The following SDC4 variants were observed in gnomAD, a reference collection of about 807,000 sequenced individuals.
SDC4 encodes syndecan 4.
SDC4 carries 17 observed loss-of-function variants against 20.5 expected under a neutral mutation model. The observed-to-expected ratio is 0.83, with a 90% CI of 0.57 to 1.25. The LOEUF (loss-of-function observed/expected upper bound fraction) is 1.25. SDC4 is among the 50% of genes most tolerant of loss of function. SDC4 has a pLI of 0.00. For synonymous variants in SDC4, 107 were observed against 105.3 expected (o/e 1.02, Z -0.10); for missense variants, 241 against 252.3 (o/e 0.96, Z 0.30).
intron 3 of SDC4, among the ~76,000 whole-genome samples, chr20:45,330,792 G>A (rs1365087988): frequency 6.6e-6 from 1 of 152,062 alleles, no homozygotes; most frequent in African/African-American, 2.4e-5. Context: ...TGCACCCAAG[G>A]GAACAGGGAA....
At chr20:45,335,058 A>C (rs1987839831) in intron 2 of SDC4, among the ~76,000 whole-genome samples, 1 of 152,220 alleles carries the variant, frequency 6.6e-6, no homozygotes, top group South Asian at 2.1e-4. Flanking sequence ...TCTGGCCTAG[A>C]GGCCTTGGGC....
intron 1 of SDC4, chr20:45,345,657 C>T (rs1452494967): frequency 6.6e-6 from 1 of 152,274 alleles, no homozygotes; most frequent in African/African-American, 2.4e-5. Flanking sequence ...GTGGGGGACA[C>T]TTCCCCACAA....
chr20:45,330,253 A>C (rs2145707885), intron 4 of SDC4, 113 bp downstream of exon 4: 9 of 947,830 alleles, frequency 9.5e-6, no homozygotes, highest in South Asian at 1.4e-5. Flanking sequence ...AATAGGCAAA[A>C]GGAAGGGGCA....
chr20:45,348,378 G>T lies in SDC4; in HGVS notation c.7C>A (p.Pro3Thr). 6.3e-7 allele frequency: 1 copy of T among 1,582,002 alleles called. No homozygotes were observed. The highest frequency in any genetic ancestry group is 8.6e-7 in the Non-Finnish European group (1 of 1,166,176). MA[P>T]ARLFALLLFF... ...AGCAGCAGCGCGAACAGACGGGCGG[G>T]GGCCATGGCACCGCGGACTGGAGAA... Residue 3 changes from proline (P) to threonine (T), a missense_variant, in exon 1 of 5, where the codon CCC (proline) becomes ACC (threonine). Pro to Thr is a conservative substitution (Grantham distance 38). Coordinates refer to ENST00000372733, the MANE Select transcript of SDC4 (RefSeq NM_002999.4).
Position 45,326,609 on chromosome 20 carries a change from C to T in SDC4, c.*655G>A, listed in dbSNP as rs557640957. On this transcript the variant is annotated 3_prime_UTR_variant, in exon 5 of 5. Transcript: ENST00000372733. Reference sequence around the variant, plus strand: ...GAACAGTTAAAAAAACGAACAAACACTAAAAATAGATTTACAAATATTCTA... The same window carrying T: ...GAACAGTTAAAAAAACGAACAAACATTAAAAATAGATTTACAAATATTCTA... 1 of 152,646 alleles carries T rather than the reference C, an allele frequency of 6.6e-6. No homozygotes were observed. Among genetic ancestry groups the T allele is most frequent in the East Asian group, 1.9e-4 (1 of 5,184 alleles). 9.5% of individuals were successfully genotyped at this position (152,646 alleles called of 1,614,324 possible).
intron 1 of SDC4, among the ~76,000 whole-genome samples, chr20:45,343,854 C>T (rs1987991679): frequency 6.6e-6 from 1 of 152,234 alleles, no homozygotes; most frequent in African/African-American, 2.4e-5. Flanking sequence ...GCCCTGTCGT[C>T]TCCTTTAAGC....
intron 1 of SDC4, among the ~76,000 whole-genome samples, chr20:45,347,529 C>G (rs547594976): frequency 1.4e-4 from 21 of 152,298 alleles, no homozygotes; most frequent in South Asian, 1.0e-3. Context: ...TTCTCTCCCC[C>G]CTACCCCCTT....
In SDC4 at chr20:45,341,485, G is replaced by A. The variant is rs538284276; in HGVS notation, c.61-5565C>T. ...GGTAAAGACCATTTTTATTTTCCCC[G>A]AAGGTGCAAATGACAGTGACCAGAA... On this transcript the variant is annotated intron_variant, in intron 1 of 4. Coordinates refer to ENST00000372733, the MANE Select transcript of SDC4 (RefSeq NM_002999.4). Among the ~76,000 whole-genome samples, 20 of 152,234 alleles carry A rather than the reference G, an allele frequency of 1.3e-4. No homozygotes were observed. The East Asian group carries it at 2.9e-3, about 22-fold the overall frequency.
chr20:45,332,146 A>G (rs2145709116), intron 3 of SDC4, among the ~76,000 whole-genome samples: 1 of 142,720 alleles, frequency 7.0e-6, no homozygotes, highest in East Asian at 2.1e-4. Flanking sequence ...AGTTCATAGA[A>G]TTATATATAT....
chr20:45,343,098 G>A (rs990567276), intron 1 of SDC4, among the ~76,000 whole-genome samples: 4 of 152,134 alleles, frequency 2.6e-5, no homozygotes, highest in Admixed American at 1.3e-4. Flanking sequence ...CAGTCACCCA[G>A]CCTTCAGCAG....
Position 45,330,349 on chromosome 20 carries a change from G to A in SDC4, c.445+17C>T, listed in dbSNP as rs776257726. 1.9e-6 allele frequency: 3 copies of A among 1,611,526 alleles called. No homozygotes were observed. Among genetic ancestry groups the A allele is most frequent in the African/African-American group, 2.7e-5 (2 of 74,892 alleles). ...ATTCCACCTTCAAGGCATCTTATAA[G>A]CAGCATGGGGACTTACCTGCCAGGA... is the stretch of plus-strand genomic sequence containing the variant. On this transcript the variant is annotated intron_variant, in intron 4 of 4. Transcript: ENST00000372733.
At chr20:45,348,215 G>C in intron 1 of SDC4, 110 bp downstream of exon 1, 1 of 1,036,714 alleles carries the variant, frequency 9.6e-7, no homozygotes, top group Non-Finnish European at 1.4e-6. Context: ...GTCCGGTTGG[G>C]GGTAGCGTAC....
At chr20:45,330,643 G>T in intron 3 of SDC4, 79 bp from the exon 4 acceptor site, 1 of 1,278,368 alleles carries the variant, frequency 7.8e-7, no homozygotes, top group Non-Finnish European at 1.1e-6. Flanking sequence ...CATTCAGCCA[G>T]GCAGAGAATC....
rs760647418 is a variant in SDC4, at chr20:45,348,393, G to C, written c.-9C>G. 6.4e-7 allele frequency: 1 copy of C among 1,566,016 alleles called. No homozygotes were observed. The highest frequency in any genetic ancestry group is 8.6e-7 in the Non-Finnish European group (1 of 1,158,928). On this transcript the variant is annotated 5_prime_UTR_variant, in exon 1 of 5. Transcript: ENST00000372733. ...AGACGGGCGGGGGCCATGGCACCGC[G>C]GACTGGAGAAGGCGCGCAGGCTGCG...
intron 2 of SDC4, among the ~76,000 whole-genome samples, chr20:45,333,357 T>A (rs6073714): frequency 2.0e-5 from 3 of 152,120 alleles, no homozygotes; most frequent in South Asian, 4.1e-4. Context: ...TAGCAACACC[T>A]GAGAGCTGGT....
At chr20:45,346,987 C>A (rs1431787025) in intron 1 of SDC4, among the ~76,000 whole-genome samples, 1 of 152,184 alleles carries the variant, frequency 6.6e-6, no homozygotes, top group South Asian at 2.1e-4. Flanking sequence ...AGTTACTTAA[C>A]CTCTCTAGCC....
chr20:45,334,292 C>A (rs569393689), intron 2 of SDC4, among the ~76,000 whole-genome samples: 26 of 152,066 alleles, frequency 1.7e-4, no homozygotes, highest in Admixed American at 3.9e-4. Flanking sequence ...CCACCGCGCC[C>A]GGCCAAAATC....
At chr20:45,344,346 G>A (rs1397319560) in intron 1 of SDC4, among the ~76,000 whole-genome samples, 2 of 152,118 alleles carry the variant, frequency 1.3e-5, no homozygotes, top group Admixed American at 6.5e-5. Flanking sequence ...GTAAAACTCT[G>A]AGCTCATTCC....
chr20:45,346,349 G>T (rs971106477), intron 1 of SDC4, among the ~76,000 whole-genome samples: 5 of 152,214 alleles, frequency 3.3e-5, no homozygotes, highest in Non-Finnish European at 7.3e-5. Flanking sequence ...GCTGAGGTCA[G>T]GATGAGACTT....
Sources: gnomAD v4.1 joint callset for allele counts (sites outside exome capture counted in the v4.1 genomes callset) on GRCh38, gnomAD v4.1.1 for gene constraint, MANE v1.5 for transcripts, NCBI Gene and HGNC (gene_info 2026-07-23, HGNC 2026-07-21) for gene names.